TAF3: variants seen among roughly 807,000 people sequenced by gnomAD.
TAF3 encodes the protein transcription initiation factor TFIID subunit 3.
TAF3 carries 7 observed loss-of-function variants against 80.6 expected under a neutral mutation model. The ratio of observed to expected loss-of-function variants is 0.09; its 90% CI spans 0.05 to 0.16. TAF3 has a LOEUF of 0.16. Ranked by LOEUF, TAF3 falls within the 10% of genes least tolerant of loss-of-function variation. The probability of loss-of-function intolerance (pLI) is 1.00; values close to 1 mark genes in which losing one functional copy is unlikely to be tolerated. For missense variants in TAF3, 921 were observed against 1,140.2 expected, an observed-to-expected ratio of 0.81 and a Z score of 2.77; for synonymous variants, 444 against 446.1, an observed-to-expected ratio of 1.00 and a Z score of 0.06.
chr10:7,834,377 A>G (rs559661890), intron 2 of TAF3, among the ~76,000 whole-genome samples: 4 of 152,102 alleles, frequency 2.6e-5, no homozygotes, highest in African/African-American at 9.6e-5. Flanking sequence ...TGATTTTTCT[A>G]AGTGGTATGA....
intron 2 of TAF3, among the ~76,000 whole-genome samples, chr10:7,915,715 C>G (rs945799393): frequency 6.7e-6 from 1 of 150,228 alleles, no homozygotes; most frequent in African/African-American, 2.4e-5. Flanking sequence ...CAGTGGCTCA[C>G]GCTTGTAATC....
At chr10:8,011,575 C>G (rs551026908) in intron 5 of TAF3, among the ~76,000 whole-genome samples, 3 of 152,218 alleles carry the variant, frequency 2.0e-5, no homozygotes, top group Admixed American at 1.3e-4. Context: ...CACGCCTGGC[C>G]TATTATTAAA....
rs17143139 is a variant in TAF3, at chr10:7,960,382, A to G, written c.410-3538A>G. ...CAGGGGTCAGCAAACGTTTTTTTGT[A>G]AAGAGCTGGATAGTAAATATTCTAG... On this transcript the variant is annotated intron_variant, in intron 2 of 6. Transcript: ENST00000344293. 3.9e-3 allele frequency among the ~76,000 whole-genome samples: 596 copies of G among 152,272 alleles called. 2 individuals carry two copies. Among genetic ancestry groups the G allele is most frequent in the African/African-American group, 0.013 (537 of 41,532 alleles).
intron 4 of TAF3, among the ~76,000 whole-genome samples, chr10:8,006,190 AC>A (rs1831990617): frequency 9.4e-6 from 1 of 106,516 alleles, no homozygotes; most frequent in African/African-American, 4.2e-5. Flanking sequence ...ACACACACAC[AC>A]ACACACACAC....
intron 2 of TAF3, among the ~76,000 whole-genome samples, chr10:7,959,057 G>A (rs377709044): frequency 1.3e-5 from 2 of 151,938 alleles, no homozygotes; most frequent in South Asian, 2.1e-4. Flanking sequence ...GGAGAATGCC[G>A]TGAACCCAGG....
At chr10:7,833,769 T>G in intron 2 of TAF3, 1 of 292,516 alleles carries the variant, frequency 3.4e-6, no homozygotes, top group Admixed American at 4.3e-5. Flanking sequence ...CTCATAGACA[T>G]TCTGGATGGG....
chr10:7,960,078 G>A (rs1415415275), intron 2 of TAF3, among the ~76,000 whole-genome samples: 2 of 152,166 alleles, frequency 1.3e-5, no homozygotes, highest in Non-Finnish European at 2.9e-5. Flanking sequence ...CTAAAGACCC[G>A]TTATCCTGCC....
chr10:8,004,724 A>T (rs1367896678), intron 4 of TAF3, among the ~76,000 whole-genome samples: 3 of 151,926 alleles, frequency 2.0e-5, no homozygotes, highest in Non-Finnish European at 2.9e-5. Flanking sequence ...TCTATCTATG[A>T]TATTTTATAG....
chr10:7,996,673 G>A (rs530273485), intron 4 of TAF3, among the ~76,000 whole-genome samples: 32 of 150,232 alleles, frequency 2.1e-4, no homozygotes, highest in African/African-American at 6.4e-4. Context: ...GTATTCTTAC[G>A]TTGAGGCAGG....
intron 2 of TAF3, among the ~76,000 whole-genome samples, chr10:7,860,370 G>A (rs978632050): frequency 1.2e-4 from 19 of 152,030 alleles, no homozygotes; most frequent in African/African-American, 4.3e-4. Flanking sequence ...TATGATAGGA[G>A]CATATGATCT....
At position 7,818,578 on chromosome 10, in the gene TAF3, G is replaced by T. The variant is rs1331966015; in HGVS notation, c.-132G>T. ...TCCGTGCTGCTGGGGCTTTGAGGTG[G>T]TCGCCGGGGGTCCGGGGGACCCTTT... On this transcript the variant is annotated 5_prime_UTR_variant, in exon 1 of 7. Coordinates refer to ENST00000344293, the MANE Select transcript of TAF3 (RefSeq NM_031923.4). 3.1e-5 allele frequency: 32 copies of T among 1,016,102 alleles called. No homozygotes were observed. The highest frequency in any genetic ancestry group is 4.1e-5 in the Non-Finnish European group (30 of 737,992). 62.9% of individuals were successfully genotyped at this position (1,016,102 alleles called of 1,614,324 possible). A position where few individuals can be genotyped will look rare whatever the true frequency, so the allele number is the denominator to read the frequency against.
chr10:8,004,493 G>A (rs1057049624), intron 4 of TAF3, among the ~76,000 whole-genome samples: 1 of 151,884 alleles, frequency 6.6e-6, no homozygotes, highest in Non-Finnish European at 1.5e-5. Context: ...TGTGCTGGTG[G>A]CAAATTCTTA....
At chr10:7,927,176 C>T (rs1837824400) in intron 2 of TAF3, among the ~76,000 whole-genome samples, 1 of 152,172 alleles carries the variant, frequency 6.6e-6, no homozygotes, top group South Asian at 2.1e-4. Context: ...CTTTCATGTC[C>T]ATGAGTTTAA....
In TAF3 at chr10:7,965,563, C is replaced by T; in HGVS notation, c.2053C>T (p.Leu685Phe). 1 of 1,598,578 alleles carries T rather than the reference C, an allele frequency of 6.3e-7. No individual in the cohort carries two copies. The highest frequency in any genetic ancestry group is 8.5e-7 in the Non-Finnish European group (1 of 1,176,256). The change falls in exon 3 of 7, where the codon CTT becomes TTT. Residue 685 changes from leucine to phenylalanine, a missense_variant. Physicochemically the swap from Leu to Phe is conservative, Grantham distance 22. This residue lies in a region of TAF3 where 743 missense variants were observed against 821.0 expected (regional missense o/e 0.90). Coordinates refer to ENST00000344293, the MANE Select transcript of TAF3 (RefSeq NM_031923.4). ...PAMLPSLLPV[L>F]PEKLFEEKEK... is the part of the protein sequence containing the mutation. ...CATGCTGCCATCTTTGTTGCCAGTG[C>T]TTCCGGAAAAACTGTTTGAGGAGAA...
At chr10:7,969,108 A>G (rs1831598725) in intron 3 of TAF3, among the ~76,000 whole-genome samples, 1 of 152,052 alleles carries the variant, frequency 6.6e-6, no homozygotes, top group Admixed American at 6.6e-5. Flanking sequence ...ATTTGAGACC[A>G]GCCCAGGCAA....
chr10:7,940,275 C>T (rs1339115112), intron 2 of TAF3, among the ~76,000 whole-genome samples: 1 of 152,192 alleles, frequency 6.6e-6, no homozygotes, highest in Non-Finnish European at 1.5e-5. Flanking sequence ...ACTTCCCATA[C>T]ATCTCTTATC....
chr10:7,993,875 A>G (rs961510914), intron 4 of TAF3, among the ~76,000 whole-genome samples: 64 of 149,450 alleles, frequency 4.3e-4, no homozygotes, highest in Non-Finnish European at 8.9e-5. Context: ...GGATAAATAT[A>G]CAATCTTTTT....
At position 7,835,392 on chromosome 10, in the gene TAF3, T is replaced by C. The variant is rs140038202; in HGVS notation, c.409+10832T>C. Among the ~76,000 whole-genome samples, 644 of 152,354 alleles carry C rather than the reference T, an allele frequency of 4.2e-3. 4 individuals carry two copies. Among genetic ancestry groups the C allele is most frequent in the African/African-American group, 0.013 (552 of 41,586 alleles). On this transcript the variant is annotated intron_variant, in intron 2 of 6. Transcript: ENST00000344293. ...TCTGACTTTGCAGTGCTCCCTCTTC[T>C]ATCGTTTTTGCGGAATGTTCCAAAT... is the stretch of plus-strand genomic sequence containing the variant.
At chr10:7,839,916 C>T (rs544300258) in intron 2 of TAF3, among the ~76,000 whole-genome samples, 62 of 152,270 alleles carry the variant, frequency 4.1e-4, no homozygotes, top group Middle Eastern at 3.4e-3. Flanking sequence ...GTAGAAGTCC[C>T]AGCATACACA....
Sources: allele counts gnomAD v4.1 joint callset (sites outside exome capture counted in the v4.1 genomes callset), GRCh38; gene constraint gnomAD v4.1.1; regional missense constraint gnomAD v4.1.1; transcripts MANE v1.5; gene names NCBI Gene and HGNC (gene_info 2026-07-23, HGNC 2026-07-21).